IPO8: variants seen among roughly 807,000 people sequenced by gnomAD.
The protein encoded by IPO8 is importin 8, also known as importin-8.
Under a neutral mutation model 141.2 loss-of-function variants are expected in IPO8, and 65 were observed. The observed-to-expected ratio is 0.46, with a 90% confidence interval of 0.38 to 0.57. IPO8 has a LOEUF of 0.57. Among genes scored for constraint, IPO8 ranks in the 20% least tolerant of loss-of-function variants. IPO8 has a pLI of 0.00. For synonymous variants in IPO8, 411 were observed against 420.3 expected, an observed-to-expected ratio of 0.98 and a Z score of 0.27; for missense variants, 980 against 1,246.8, an observed-to-expected ratio of 0.79 and a Z score of 3.22.
At chr12:30,643,507 G>A (rs10743725) in intron 20 of IPO8, among the ~76,000 whole-genome samples, 35,442 of 152,074 alleles carry the variant, frequency 0.23, 4,387 homozygotes, top group Middle Eastern at 0.3. Context: ...TGAAACTCAT[G>A]TTGAAATTTG....
chr12:30,630,559 G>C lies in IPO8; in HGVS notation c.*301C>G. On this transcript the variant is annotated 3_prime_UTR_variant, in exon 25 of 25. Transcript: ENST00000256079. ...CATGGCAAAAACCTGAGACGTGCAA[G>C]TCTATCCAATCCTCTAAAACAACCT... 3.0e-6 allele frequency: 1 copy of C among 328,014 alleles called. No individual in the cohort carries two copies. The highest frequency in any genetic ancestry group is 5.5e-6 in the Non-Finnish European group (1 of 182,276). The allele number at this position is 328,014 out of a possible 1,614,324, so 20.3% of individuals were successfully genotyped here.
Position 30,656,713 on chromosome 12 carries a change from A to G in IPO8, c.1919T>C (p.Ile640Thr). Residue 640 changes from isoleucine (I) to threonine (T), a missense_variant, in exon 17 of 25, where the codon ATT (isoleucine) becomes ACT (threonine). Physicochemically the swap from Ile to Thr is moderately conservative, Grantham distance 89. Coordinates refer to ENST00000256079, the MANE Select transcript of IPO8 (RefSeq NM_006390.4). ...QQLENICLRI[I>T]DLVLQKHVIE... Reference sequence around the variant, plus strand: ...TACATGTTTCTGCAGAACAAGATCAATGATCCGTAGACAGATATTCTCTAA... The same window carrying G: ...TACATGTTTCTGCAGAACAAGATCAGTGATCCGTAGACAGATATTCTCTAA... 6.4e-7 allele frequency: 1 copy of G among 1,562,730 alleles called. No homozygotes were observed. Among genetic ancestry groups the G allele is most frequent in the Non-Finnish European group, 8.7e-7 (1 of 1,147,548 alleles).
chr12:30,675,675 CA>C (rs1354263618), intron 6 of IPO8, among the ~76,000 whole-genome samples: 3 of 145,278 alleles, frequency 2.1e-5, no homozygotes, highest in Non-Finnish European at 4.5e-5. Flanking sequence ...AAAAAAAAAA[CA>C]AAAAAAACAA....
intron 14 of IPO8, among the ~76,000 whole-genome samples, chr12:30,662,803 C>T (rs1164629285): frequency 6.6e-6 from 1 of 152,058 alleles, no homozygotes; most frequent in Non-Finnish European, 1.5e-5. Context: ...ACTTGGAAAA[C>T]ATGAATCAGT....
At chr12:30,679,667 A>G (rs570030427) in intron 5 of IPO8, among the ~76,000 whole-genome samples, 1 of 152,296 alleles carries the variant, frequency 6.6e-6, no homozygotes, top group Non-Finnish European at 1.5e-5. Flanking sequence ...AATCTTTATT[A>G]AAGTAAAATA....
chr12:30,633,491 G>A (rs1411377833), intron 23 of IPO8, among the ~76,000 whole-genome samples: 3 of 151,828 alleles, frequency 2.0e-5, no homozygotes, highest in Non-Finnish European at 4.4e-5. Flanking sequence ...TTTCTACTAG[G>A]TTACTGGTCT....
chr12:30,675,143 C>G (rs773183694), intron 6 of IPO8, among the ~76,000 whole-genome samples: 1 of 152,112 alleles, frequency 6.6e-6, no homozygotes, highest in Non-Finnish European at 1.5e-5. Context: ...AGCTAAATGT[C>G]AAAATACTTT....
At position 30,652,203 on chromosome 12, in the gene IPO8, T is replaced by C; in HGVS notation, c.2161A>G (p.Met721Val). 6.4e-7 allele frequency: 1 copy of C among 1,563,650 alleles called. No individual in the cohort carries two copies. The highest frequency in any genetic ancestry group is 8.8e-7 in the Non-Finnish European group (1 of 1,135,642). Residue 721 changes from methionine to valine, a missense_variant, in exon 19 of 25, where the codon ATG becomes GTG. Transcript: ENST00000256079. Reference protein sequence around the residue: ...NAKHLEILFTMCRKVLCGDAG... With the variant: ...NAKHLEILFTVCRKVLCGDAG... ...TAGGTCATGCTTACCTTCCTACACA[T>C]TGTAAAAAGAATTTCTAAATGTTTT...
chr12:30,633,899 G>A (rs2052466617), intron 23 of IPO8, among the ~76,000 whole-genome samples, 184 bp downstream of exon 23: 1 of 152,128 alleles, frequency 6.6e-6, no homozygotes, highest in Non-Finnish European at 1.5e-5. Context: ...TGGGTGATAG[G>A]TGTTTCATTA....
chr12:30,681,110 T>C (rs2053184700), intron 4 of IPO8, among the ~76,000 whole-genome samples: 1 of 152,164 alleles, frequency 6.6e-6, no homozygotes, highest in African/African-American at 2.4e-5. Context: ...AAATATGTTC[T>C]ATAAATTTCA....
intron 20 of IPO8, 55 bp downstream of exon 20, chr12:30,649,082 G>A: frequency 1.8e-6 from 2 of 1,082,708 alleles, no homozygotes; most frequent in Non-Finnish European, 2.8e-6. Context: ...AGTCAAGCAG[G>A]CATGTAAACT....
At chr12:30,671,225 G>A (rs940446077) in intron 8 of IPO8, 129 bp from the exon 9 acceptor site, 4 of 607,428 alleles carry the variant, frequency 6.6e-6, no homozygotes, top group Middle Eastern at 4.3e-4. Flanking sequence ...AAAAATCAAT[G>A]TTTTGTAAGA....
intron 3 of IPO8, among the ~76,000 whole-genome samples, chr12:30,683,267 T>C (rs1259952180): frequency 1.3e-5 from 2 of 152,192 alleles, no homozygotes; most frequent in Non-Finnish European, 2.9e-5. Flanking sequence ...ATAGTGATTT[T>C]TTCTTTTTAA....
intron 10 of IPO8, 64 bp downstream of exon 10, chr12:30,669,119 A>T (rs1184934495): frequency 3.0e-6 from 2 of 669,926 alleles, no homozygotes; most frequent in Non-Finnish European, 5.0e-6. Context: ...GCTTAAAAAT[A>T]TAAATTTAGT....
At chr12:30,655,038 CTAT>C (rs2052779980) in intron 17 of IPO8, among the ~76,000 whole-genome samples, 1 of 151,816 alleles carries the variant, frequency 6.6e-6, no homozygotes, top group Non-Finnish European at 1.5e-5. Flanking sequence ...AAAGAAAATC[CTAT>C]TATTTGTAAC....
In IPO8 at chr12:30,661,197, T is replaced by C; in HGVS notation, c.1825A>G (p.Met609Val). 1.9e-6 allele frequency: 3 copies of C among 1,594,348 alleles called. No individual in the cohort carries two copies. Among genetic ancestry groups the C allele is most frequent in the Non-Finnish European group, 2.6e-6 (3 of 1,169,740 alleles). Residue 609 changes from methionine to valine, a missense_variant, in exon 16 of 25, where the codon ATG (methionine) becomes GTG (valine). Transcript: ENST00000256079. ...EEVEDKTVMA[M>V]GILHTIDTIL... is the part of the protein sequence containing the mutation. ...GTATCAATGGTATGTAAAATTCCCA[T>C]AGCCATTACTGTTTTGTCTTCAACT...
intron 20 of IPO8, among the ~76,000 whole-genome samples, chr12:30,644,656 T>TTG (rs1282591490): frequency 0.012 from 1,733 of 140,122 alleles, 9 homozygotes; most frequent in Middle Eastern, 0.042. Context: ...TTTTTTTGTT[T>TTG]TTTTTTTTTT....
At chr12:30,669,151 G>T in intron 10 of IPO8, 32 bp downstream of exon 10, 2 of 914,890 alleles carry the variant, frequency 2.2e-6, no homozygotes, top group Non-Finnish European at 1.7e-6. Flanking sequence ...ACATATCCAG[G>T]AACTGATGAG....
At chr12:30,685,290 C>A (rs906355553) in intron 2 of IPO8, among the ~76,000 whole-genome samples, 1 of 151,894 alleles carries the variant, frequency 6.6e-6, no homozygotes, top group African/African-American at 2.4e-5. Context: ...CAGGCATGTG[C>A]CACCACACCC....
Sources: allele counts gnomAD v4.1 joint callset (sites outside exome capture counted in the v4.1 genomes callset), GRCh38; gene constraint gnomAD v4.1.1; transcripts MANE v1.5; gene names NCBI Gene and HGNC (gene_info 2026-07-23, HGNC 2026-07-21).